The following TRIM28 variants were observed in gnomAD, a reference collection of about 807,000 sequenced individuals.
TRIM28 encodes tripartite motif containing 28, also known as transcription intermediary factor 1-beta.
In TRIM28, 8 loss-of-function variants were observed where a neutral mutation model predicts 87.4. The ratio of observed to expected loss-of-function variants is 0.09; its 90% CI spans 0.05 to 0.17. The LOEUF (loss-of-function observed/expected upper bound fraction) is 0.17, where lower values mean the gene tolerates loss of function less well. Ranked by LOEUF, TRIM28 falls within the 10% of genes least tolerant of loss-of-function variation. TRIM28 has a pLI of 1.00. For missense variants in TRIM28, 968 were observed against 1,131.8 expected, an observed-to-expected ratio of 0.86 and a Z score of 2.08; for synonymous variants, 601 against 454.3, an observed-to-expected ratio of 1.32 and a Z score of -4.11.
In TRIM28 at chr19:58,548,517, C is replaced by A; in HGVS notation, c.1248C>A (p.Asn416Lys). ...GKIVAERPGT[N>K]STGPAPMAPP... Reference sequence around the variant, plus strand: ...TTGTGGCAGAGCGTCCTGGCACTAACTCAACAGGCCCTGCACCCATGGCCC... The same window carrying A: ...TTGTGGCAGAGCGTCCTGGCACTAAATCAACAGGCCCTGCACCCATGGCCC... The change falls in exon 9 of 17, where the codon AAC (asparagine) becomes AAA (lysine). Residue 416 changes from asparagine (N) to lysine (K), a missense_variant. Physicochemically the swap from Asn to Lys is moderately conservative, Grantham distance 94. Around this residue, in one of 11 missense-constraint regions of TRIM28, gnomAD observed 119 missense variants for 93.6 expected, o/e 1.27. Transcript: ENST00000253024. 1 of 1,614,044 alleles carries A rather than the reference C, an allele frequency of 6.2e-7. No individual in the cohort carries two copies. The highest frequency in any genetic ancestry group is 8.5e-7 in the Non-Finnish European group (1 of 1,180,018).
At position 58,545,950 on chromosome 19, in the gene TRIM28, T is replaced by G. The variant is rs937116309; in HGVS notation, c.586+54T>G. ...GTTGTTCTCCCATGTGTGCCCTCAGTTGCTTTTATGATGTTGGTTGCATCT... is the reference window on the plus strand; with the variant it reads ...GTTGTTCTCCCATGTGTGCCCTCAGGTGCTTTTATGATGTTGGTTGCATCT... On this transcript the variant is annotated intron_variant, in intron 3 of 16. Coordinates refer to ENST00000253024, the MANE Select transcript of TRIM28 (RefSeq NM_005762.3). The G allele has an allele frequency of 1.1e-5, 17 of 1,551,094 alleles. No homozygotes were observed. The highest frequency in any genetic ancestry group is 1.4e-5 in the Non-Finnish European group (16 of 1,139,824).
intron 2 of TRIM28, 82 bp from the exon 3 acceptor site, chr19:58,545,682 A>T: frequency 6.4e-7 from 1 of 1,560,486 alleles, no homozygotes; most frequent in East Asian, 2.3e-5. Context: ...ACCAATCTTA[A>T]ATCTCCGGTT....
intron 8 of TRIM28, 31 bp downstream of exon 8, chr19:58,548,439 T>C (rs2038472395): frequency 5.0e-6 from 8 of 1,614,054 alleles, no homozygotes; most frequent in Non-Finnish European, 5.9e-6. Flanking sequence ...CACTCTGTTA[T>C]TACCCCACGT....
Position 58,544,800 on chromosome 19 carries a change from G to A in TRIM28, c.43G>A (p.Ala15Thr). ...GGCAGCCTCGGCAGCAGCGGCCTCG[G>A]CCGCCTCTGGCAGCCCGGGCCCGGG... ...AAAASAAAAS[A>T]ASGSPGPGEG... Residue 15 changes from alanine (A) to threonine (T), a missense_variant, in exon 1 of 17, where the codon GCC becomes ACC. Around this residue, in one of 11 missense-constraint regions of TRIM28, gnomAD observed 208 missense variants for 170.9 expected, o/e 1.22. Coordinates refer to ENST00000253024, the MANE Select transcript of TRIM28 (RefSeq NM_005762.3). The A allele has an allele frequency of 1.7e-6, 2 of 1,209,372 alleles. No individual in the cohort carries two copies. Among genetic ancestry groups the A allele is most frequent in the East Asian group, 3.6e-5 (1 of 27,806 alleles). The allele number at this position is 1,209,372 out of a possible 1,614,324, so 74.9% of individuals were successfully genotyped here.
Position 58,549,108 on chromosome 19 carries a change from A to C in TRIM28, c.1530A>C (p.Pro510=), listed in dbSNP as rs745390598. 1 of 1,614,152 alleles carries C rather than the reference A, an allele frequency of 6.2e-7. No individual in the cohort carries two copies. Among genetic ancestry groups the C allele is most frequent in the East Asian group, 2.2e-5 (1 of 44,882 alleles). The change falls in exon 12 of 17, where the codon CCA becomes CCC. Residue 510 remains proline (P), a synonymous_variant. Transcript: ENST00000253024. The surrounding 1 kb of genome is among the most constrained non-coding windows in gnomAD (Gnocchi z 4.4). ...AGCCACCCGTCTTCAAGGTCTTCCC[A>C]GGCAGTACCACTGAGGACTACAACC... ...DSQPPVFKVF[P]GSTTEDYNLI...
Position 58,545,518 on chromosome 19 carries a change from A to G in TRIM28, c.434A>G (p.Asp145Gly), listed in dbSNP as rs2053753587. The G allele has an allele frequency of 1.2e-6, 2 of 1,612,008 alleles. No individual in the cohort carries two copies. Among genetic ancestry groups the G allele is most frequent in the Non-Finnish European group, 1.7e-6 (2 of 1,179,366 alleles). Residue 145 changes from aspartate (D) to glycine (G), a missense_variant, in exon 2 of 17, where the codon GAC (aspartate) becomes GGC (glycine). Physicochemically the swap from Asp to Gly is moderately conservative, Grantham distance 94. Transcript: ENST00000253024. ...MRDSGSKAAT[D>G]AQDANQCCTS... is the part of the protein sequence containing the mutation. ...GATAGTGGCAGCAAGGCTGCCACCG[A>G]CGCCCAGGATGCGAACCAGGTGCGT...
In TRIM28 at chr19:58,547,717, AGT is replaced by A; in HGVS notation, c.839+8_839+9del. 1.2e-6 allele frequency: 2 copies of A among 1,614,112 alleles called. No homozygotes were observed. Among genetic ancestry groups the A allele is most frequent in the Non-Finnish European group, 1.7e-6 (2 of 1,180,014 alleles). Reference sequence around the variant, plus strand: ...GCACCAAGGAGGTTCGCAGCTCGTAAGTGTGGGTTCTGGGGCTGTGGGGGTGG... The same window carrying A: ...GCACCAAGGAGGTTCGCAGCTCGTAAGTGGGTTCTGGGGCTGTGGGGGTGG... On this transcript the variant is annotated splice_donor_5th_base_variant and intron_variant, in intron 5 of 16. Transcript: ENST00000253024.
Position 58,550,513 on chromosome 19 carries a change from G to A in TRIM28, c.2468G>A (p.Ser823Asn), listed in dbSNP as rs999755342. 4 of 1,611,846 alleles carry A rather than the reference G, an allele frequency of 2.5e-6. No homozygotes were observed. Among genetic ancestry groups the A allele is most frequent in the Non-Finnish European group, 3.4e-6 (4 of 1,179,950 alleles). ...PPMSLPGAGL[S>N]SQELSGGPGD... is the part of the protein sequence containing the mutation. ...ATGAGCCTGCCTGGTGCTGGCCTGAGTTCCCAGGAGCTGTCTGGTGGCCCT... is the reference window on the plus strand; with the variant it reads ...ATGAGCCTGCCTGGTGCTGGCCTGAATTCCCAGGAGCTGTCTGGTGGCCCT... Residue 823 changes from serine (S) to asparagine (N), a missense_variant, in exon 17 of 17, where the codon AGT becomes AAT. Physicochemically the swap from Ser to Asn is conservative, Grantham distance 46 (BLOSUM62 1). This residue lies in a region of TRIM28 where 192 missense variants were observed against 225.6 expected (regional missense o/e 0.85). Coordinates refer to ENST00000253024, the MANE Select transcript of TRIM28 (RefSeq NM_005762.3).
At chr19:58,546,162 A>G (rs2053759525) in intron 3 of TRIM28, among the ~76,000 whole-genome samples, 1 of 152,182 alleles carries the variant, frequency 6.6e-6, no homozygotes, top group Non-Finnish European at 1.5e-5. Flanking sequence ...AAGGCTTATC[A>G]GGGAGTTGTC....
chr19:58,548,011 C>G (rs199636143), intron 6 of TRIM28, 23 bp from the exon 7 acceptor site: 2 of 1,614,024 alleles, frequency 1.2e-6, no homozygotes, highest in Non-Finnish European at 1.7e-6. Context: ...TCTCTGCTTA[C>G]CTCATACACC....
intron 3 of TRIM28, among the ~76,000 whole-genome samples, chr19:58,546,261 C>A (rs955013214): frequency 2.6e-5 from 4 of 152,090 alleles, no homozygotes; most frequent in African/African-American, 9.7e-5. Flanking sequence ...TGGCACACAT[C>A]TGGTATAAGA....
Position 58,544,842 on chromosome 19 carries a change from G to A in TRIM28, c.85G>A (p.Gly29Ser), listed in dbSNP as rs1157776461. ...SPGPGEGSAG[G>S]EKRSTAPSAA... ...GGGCCCGGGCGAGGGCTCCGCTGGC[G>A]GCGAAAAGCGCTCCACCGCCCCTTC... The change falls in exon 1 of 17, where the codon GGC (glycine) becomes AGC (serine). Residue 29 changes from glycine to serine, a missense_variant. Physicochemically the swap from Gly to Ser is moderately conservative, Grantham distance 56. Around this residue, in one of 11 missense-constraint regions of TRIM28, gnomAD observed 208 missense variants for 170.9 expected, o/e 1.22. Transcript: ENST00000253024. 2.3e-6 allele frequency: 3 copies of A among 1,283,058 alleles called. No individual in the cohort carries two copies. The highest frequency in any genetic ancestry group is 4.7e-5 in the South Asian group (2 of 42,122). 79.5% of individuals were successfully genotyped at this position (1,283,058 alleles called of 1,614,324 possible).
At position 58,545,889 on chromosome 19, in the gene TRIM28, C is replaced by G. The variant is rs2053757033; in HGVS notation, c.579C>G (p.Arg193=). 2.5e-6 allele frequency: 4 copies of G among 1,591,000 alleles called. No individual in the cohort carries two copies. The highest frequency in any genetic ancestry group is 2.3e-5 in the East Asian group (1 of 44,242). Reference sequence around the variant, plus strand: ...AGTACACCAAGGACCATACTGTGCGCTCTACTGGTACATGAGGCTGAGGGG... The same window carrying G: ...AGTACACCAAGGACCATACTGTGCGGTCTACTGGTACATGAGGCTGAGGGG... ...RVKYTKDHTV[R]STGPAKSRDG... is the part of the protein sequence containing the mutation. Residue 193 remains arginine, a synonymous_variant, in exon 3 of 17, where the codon CGC becomes CGG. Coordinates refer to ENST00000253024, the MANE Select transcript of TRIM28 (RefSeq NM_005762.3).
intron 3 of TRIM28, 191 bp from the exon 4 acceptor site, chr19:58,547,185 G>C (rs2053768785): frequency 3.1e-6 from 2 of 638,268 alleles, no homozygotes; most frequent in African/African-American, 3.7e-5. Context: ...CAGCTATGTT[G>C]GGGCAGAGGA....
At position 58,549,113 on chromosome 19, in the gene TRIM28, G is replaced by T. The variant is rs780564633; in HGVS notation, c.1535G>T (p.Ser512Ile). Residue 512 changes from serine to isoleucine, a missense_variant, in exon 12 of 17, where the codon AGT (serine) becomes ATT (isoleucine). By Grantham distance (142) the Ser-to-Ile change is moderately radical (BLOSUM62 -2). Transcript: ENST00000253024. This position sits in a 1 kb window ranked among gnomAD's most constrained non-coding sequence, Gnocchi z 4.4. ...QPPVFKVFPG[S>I]TTEDYNLIVI... ...CCCGTCTTCAAGGTCTTCCCAGGCA[G>T]TACCACTGAGGACTACAACCTTATT... 1 of 1,614,168 alleles carries T rather than the reference G, an allele frequency of 6.2e-7. No homozygotes were observed. Among genetic ancestry groups the T allele is most frequent in the South Asian group, 1.1e-5 (1 of 91,088 alleles).
chr19:58,545,857 C>T lies in TRIM28; in HGVS notation c.547C>T (p.Arg183Trp). ...TGAGACCTGTGTAGAGGCGCACCAG[C>T]GGGTGAAGTACACCAAGGACCATAC... ...LCETCVEAHQRVKYTKDHTVR... is the reference protein window; with the variant it reads ...LCETCVEAHQWVKYTKDHTVR... The change falls in exon 3 of 17, where the codon CGG becomes TGG. Residue 183 changes from arginine (R) to tryptophan (W), a missense_variant. By Grantham distance (101) the Arg-to-Trp change is moderately radical. Transcript: ENST00000253024. 6.2e-7 allele frequency: 1 copy of T among 1,610,552 alleles called. No individual in the cohort carries two copies. Among genetic ancestry groups the T allele is most frequent in the Non-Finnish European group, 8.5e-7 (1 of 1,177,936 alleles).
At position 58,545,418 on chromosome 19, in the gene TRIM28, C is replaced by T. The variant is rs146115909; in HGVS notation, c.341-7C>T. On this transcript the variant is annotated splice_region_variant and splice_polypyrimidine_tract_variant and intron_variant, in intron 1 of 16. Coordinates refer to ENST00000253024, the MANE Select transcript of TRIM28 (RefSeq NM_005762.3). Reference sequence around the variant, plus strand: ...GTAACAGTCTCCCACATCCCTGCTTCTCGAAGTGGTGGACTGTCCCGTGTG... The same window carrying T: ...GTAACAGTCTCCCACATCCCTGCTTTTCGAAGTGGTGGACTGTCCCGTGTG... 90 of 1,602,654 alleles carry T rather than the reference C, an allele frequency of 5.6e-5. No individual in the cohort carries two copies. The African/African-American group carries it at 9.6e-4, about 17-fold the overall frequency.
Position 58,544,984 on chromosome 19 carries a change from G to A in TRIM28, c.227G>A (p.Arg76Lys). The change falls in exon 1 of 17, where the codon AGG becomes AAG. Residue 76 changes from arginine (R) to lysine (K), a missense_variant. This residue lies in a region of TRIM28 where 208 missense variants were observed against 170.9 expected (regional missense o/e 1.22). Coordinates refer to ENST00000253024, the MANE Select transcript of TRIM28 (RefSeq NM_005762.3). ...GVCRERLRPE[R>K]EPRLLPCLHS... ...TGCAGAGAGCGCCTGCGACCCGAGA[G>A]GGAGCCCCGCCTGCTGCCCTGTTTG... is the stretch of plus-strand genomic sequence containing the variant. 6.6e-7 allele frequency: 1 copy of A among 1,515,944 alleles called. No individual in the cohort carries two copies. The highest frequency in any genetic ancestry group is 8.8e-7 in the Non-Finnish European group (1 of 1,141,036). 93.9% of individuals were successfully genotyped at this position (1,515,944 alleles called of 1,614,324 possible). A position where few individuals can be genotyped will look rare whatever the true frequency, so the allele number is the denominator to read the frequency against.
At position 58,550,662 on chromosome 19, in the gene TRIM28, G is replaced by C. The variant is rs2053810032; in HGVS notation, c.*109G>C. On this transcript the variant is annotated 3_prime_UTR_variant, in exon 17 of 17. Transcript: ENST00000253024. ...CACTCCCTGGTGGCCCCATCCCCCA[G>C]TTCCTCACGATATGGTTTTTACTTC... is the stretch of plus-strand genomic sequence containing the variant. The C allele has an allele frequency of 9.1e-7, 1 of 1,101,936 alleles. No homozygotes were observed. Among genetic ancestry groups the C allele is most frequent in the Non-Finnish European group, 1.3e-6 (1 of 786,058 alleles). 68.3% of individuals were successfully genotyped at this position (1,101,936 alleles called of 1,614,324 possible). A position where few individuals can be genotyped will look rare whatever the true frequency, so the allele number is the denominator to read the frequency against.
Sources: allele counts gnomAD v4.1 joint callset (sites outside exome capture counted in the v4.1 genomes callset), GRCh38; gene constraint gnomAD v4.1.1; regional missense constraint gnomAD v4.1.1; non-coding constraint Gnocchi (gnomAD v3.1); transcripts MANE v1.5; gene names NCBI Gene and HGNC (gene_info 2026-07-23, HGNC 2026-07-21).